The following DCAF8L2 variants were observed in gnomAD, a reference collection of about 807,000 sequenced individuals.
DCAF8L2 encodes DDB1 and CUL4 associated factor 8 like 2.
For synonymous variants in DCAF8L2, 200 were observed against 190.9 expected (o/e 1.05, Z -0.39); for missense variants, 430 against 490.7 (o/e 0.88, Z 1.17).
At chrX:27,691,671 T>C (rs138765139) in intron 3 of DCAF8L2, among the ~76,000 whole-genome samples, 1 of 112,010 alleles carries the variant, frequency 8.9e-6, no homozygotes, top group Non-Finnish European at 1.9e-5. Context: ...TTATGATATA[T>C]GTACTATTAT....
the DCAF8L2 span, among the ~76,000 whole-genome samples, chrX:27,516,025 CAA>C: frequency 8.9e-6 from 1 of 112,059 alleles, no homozygotes; most frequent in Non-Finnish European, 1.9e-5. Flanking sequence ...CAAAAAAGTA[CAA>C]GAGTTATTTT....
intron 3 of DCAF8L2, among the ~76,000 whole-genome samples, chrX:27,678,686 G>T (rs754358388): frequency 9.0e-6 from 1 of 111,712 alleles, no homozygotes; most frequent in East Asian, 2.8e-4. Context: ...GTCAGGGGCT[G>T]GAAGGGCGTT....
the DCAF8L2 span, among the ~76,000 whole-genome samples, chrX:27,563,389 G>T: frequency 8.9e-6 from 1 of 112,012 alleles, no homozygotes; most frequent in African/African-American, 3.2e-5. Flanking sequence ...TGCCAAAAAA[G>T]TTTATTGCAA....
the DCAF8L2 span, among the ~76,000 whole-genome samples, chrX:27,503,838 A>G: frequency 8.9e-6 from 1 of 111,923 alleles, no homozygotes; most frequent in Non-Finnish European, 1.9e-5. Flanking sequence ...AAGATTAAAT[A>G]CAAGTATAGA....
At chrX:27,649,218 A>G (rs986708827) in intron 2 of DCAF8L2, among the ~76,000 whole-genome samples, 7 of 112,034 alleles carry the variant, frequency 6.2e-5, no homozygotes. Flanking sequence ...AGTGTTGGGC[A>G]CCTAAGTTGA....
chrX:27,680,213 T>C (rs1930275511), intron 3 of DCAF8L2, among the ~76,000 whole-genome samples: 1 of 111,360 alleles, frequency 9.0e-6, no homozygotes, highest in Non-Finnish European at 1.9e-5. Flanking sequence ...ATGGACTGAA[T>C]AGTAGCACAG....
chrX:27,604,982 G>A (rs773550813), intron 1 of DCAF8L2, among the ~76,000 whole-genome samples: 1 of 111,634 alleles, frequency 9.0e-6, no homozygotes, highest in South Asian at 3.7e-4. Flanking sequence ...GTATTTCTAG[G>A]GTATTTTATT....
chrX:27,535,156 C>T, the DCAF8L2 span, among the ~76,000 whole-genome samples: 2 of 111,559 alleles, frequency 1.8e-5, no homozygotes, highest in East Asian at 2.8e-4. Context: ...GTATGTAGCT[C>T]GGTCTTTTTT....
intron 3 of DCAF8L2, among the ~76,000 whole-genome samples, chrX:27,687,683 G>A (rs776694125): frequency 1.8e-5 from 2 of 111,067 alleles, no homozygotes; most frequent in Admixed American, 9.6e-5. Flanking sequence ...GGAAGATCCC[G>A]TCTACAAAAA....
chrX:27,533,171 A>AG, the DCAF8L2 span, among the ~76,000 whole-genome samples: 1 of 12,948 alleles, frequency 7.7e-5, no homozygotes, highest in East Asian at 0.019. Context: ...AGAGAGAAAG[A>AG]AAGAAAGAAA....
rs1394484152 is a variant in DCAF8L2 at position 27,667,112 on chromosome X, G to C, written c.-219-10724G>C. 2.8e-5 allele frequency among the ~76,000 whole-genome samples: 3 copies of C among 108,685 alleles called. No homozygotes were observed. In the East Asian group the frequency reaches 8.7e-4, roughly 32 times the overall value. 94.4% of individuals were successfully genotyped at this position (108,685 alleles called of 115,157 possible). ...AATTAAAAAGTTCATGATGTGTGTG[G>C]GGAGGGAGAGTAGAGAAAGGGGTGG... On this transcript the variant is annotated intron_variant, in intron 2 of 4. Transcript: ENST00000451261.
At chrX:27,622,195 C>G (rs915853188) in intron 1 of DCAF8L2, among the ~76,000 whole-genome samples, 3 of 109,399 alleles carry the variant, frequency 2.7e-5, no homozygotes, top group African/African-American at 1.0e-4. Flanking sequence ...GAGGCCGAGA[C>G]GGGCGGATCA....
At chrX:27,579,615 TACACACACACACAC>T in the DCAF8L2 span, among the ~76,000 whole-genome samples, 847 of 87,913 alleles carry the variant, frequency 9.6e-3, 8 homozygotes, top group African/African-American at 0.034. Flanking sequence ...TTCAGAGAAA[TACACACACACACAC>T]ACACACACAC....
the DCAF8L2 span, among the ~76,000 whole-genome samples, chrX:27,533,164 G>GAGAGAAAGAAAGAA: frequency 2.3e-4 from 4 of 17,349 alleles, no homozygotes; most frequent in Admixed American, 9.4e-4. Context: ...GAGAGAGAGA[G>GAGAGAAAGAAAGAA]AGAAAGAAAG....
chrX:27,552,521 C>T, the DCAF8L2 span, among the ~76,000 whole-genome samples: 1 of 111,414 alleles, frequency 9.0e-6, no homozygotes, highest in African/African-American at 3.3e-5. Flanking sequence ...TATGAATGTC[C>T]AGTTTTCCAA....
intron 1 of DCAF8L2, among the ~76,000 whole-genome samples, chrX:27,606,776 G>A (rs1926927325): frequency 9.0e-6 from 1 of 110,928 alleles, no homozygotes; most frequent in Non-Finnish European, 1.9e-5. Context: ...TCTAGTGACT[G>A]ATTTTTTTGG....
chrX:27,737,156 G>T (rs1921572616), intron 4 of DCAF8L2, among the ~76,000 whole-genome samples: 1 of 111,513 alleles, frequency 9.0e-6, no homozygotes, highest in Non-Finnish European at 1.9e-5. Flanking sequence ...AATATAAATG[G>T]ATATAATTCA....
chrX:27,628,403 A>G (rs1928133413), intron 1 of DCAF8L2, among the ~76,000 whole-genome samples: 1 of 111,965 alleles, frequency 8.9e-6, no homozygotes, highest in Non-Finnish European at 1.9e-5. Flanking sequence ...GGGAATGCAG[A>G]TATCTCTTGG....
chrX:27,682,438 C>T (rs941987452), intron 3 of DCAF8L2, among the ~76,000 whole-genome samples: 2 of 111,726 alleles, frequency 1.8e-5, no homozygotes, highest in Non-Finnish European at 3.8e-5. Flanking sequence ...AAGCAAAATA[C>T]AATAATTTGT....
Sources: gnomAD v4.1 joint callset for allele counts (sites outside exome capture counted in the v4.1 genomes callset) on GRCh38, gnomAD v4.1.1 for gene constraint, MANE v1.5 for transcripts, NCBI Gene and HGNC (gene_info 2026-07-23, HGNC 2026-07-21) for gene names.